The following NFIX variants were observed in gnomAD, a reference collection of about 807,000 sequenced individuals.
NFIX encodes nuclear factor 1 X-type.
In NFIX, 2 loss-of-function variants were observed where a neutral mutation model predicts 53.3. That is an observed-to-expected ratio of 0.04 (90% CI 0.02 to 0.12). NFIX has a LOEUF of 0.12. Ranked by LOEUF, NFIX falls within the 10% of genes least tolerant of loss-of-function variation. The pLI is 1.00. For missense variants in NFIX, 310 were observed against 674.5 expected (o/e 0.46, Z 5.99); for synonymous variants, 244 against 289.0 (o/e 0.84, Z 1.58).
At position 13,022,920 on chromosome 19, in the gene NFIX, A is replaced by C. The variant is rs2013024395; in HGVS notation, c.28-2101A>C. Among the ~76,000 whole-genome samples the C allele has an allele frequency of 1.3e-5, 2 of 151,806 alleles. No individual in the cohort carries two copies. Among genetic ancestry groups the C allele is most frequent in the Non-Finnish European group, 2.9e-5 (2 of 67,942 alleles). ...GGACTTTGCTTGTTCATTAGACGTGAACTTGTCGATTGGGCAAATTGTTTT... is the reference window on the plus strand; with the variant it reads ...GGACTTTGCTTGTTCATTAGACGTGCACTTGTCGATTGGGCAAATTGTTTT... On this transcript the variant is annotated intron_variant, in intron 1 of 10. Coordinates refer to ENST00000592199, the MANE Select transcript of NFIX (RefSeq NM_001365902.3). This position sits in a 1 kb window ranked among gnomAD's most constrained non-coding sequence, Gnocchi z 4.5.
At chr19:13,016,654 GT>G (rs200460597) in intron 1 of NFIX, among the ~76,000 whole-genome samples, 7,846 of 131,868 alleles carry the variant, frequency 0.059, 276 homozygotes, top group African/African-American at 0.11. Context: ...TTGGGTTTGA[GT>G]TTTTTTTTTT....
intron 2 of NFIX, among the ~76,000 whole-genome samples, chr19:13,044,463 T>C (rs1363321504): frequency 1.3e-5 from 2 of 152,132 alleles, no homozygotes; most frequent in African/African-American, 4.8e-5. Context: ...GGTGTGTGTG[T>C]ATAAATGTCA....
intron 2 of NFIX, among the ~76,000 whole-genome samples, chr19:13,056,463 C>G (rs1490182100): frequency 1.3e-5 from 2 of 152,090 alleles, no homozygotes; most frequent in African/African-American, 4.8e-5. Context: ...ATAGGGTGGG[C>G]CCACCCACCC....
intron 2 of NFIX, among the ~76,000 whole-genome samples, chr19:13,034,542 A>G (rs532803631): frequency 6.6e-6 from 1 of 152,326 alleles, no homozygotes; most frequent in South Asian, 2.1e-4. Context: ...TCTAGGTGTG[A>G]GGCCAGGCAG....
chr19:13,018,603 A>G (rs1262860989), intron 1 of NFIX, among the ~76,000 whole-genome samples: 6 of 152,242 alleles, frequency 3.9e-5, no homozygotes, highest in African/African-American at 9.6e-5. Flanking sequence ...CTTTTGGATG[A>G]TTTTGTTCTG....
At position 13,066,983 on chromosome 19, in the gene NFIX, C is replaced by T. The variant is rs1391733009; in HGVS notation, c.560-6064C>T. Reference sequence around the variant, plus strand: ...TCCCCTTAGCCCCCCATCTATCCACCGTTCCCCTCCTCAGGGTGTCTCAGA... The same window carrying T: ...TCCCCTTAGCCCCCCATCTATCCACTGTTCCCCTCCTCAGGGTGTCTCAGA... On this transcript the variant is annotated intron_variant, in intron 2 of 10. Coordinates refer to ENST00000592199, the MANE Select transcript of NFIX (RefSeq NM_001365902.3). The surrounding 1 kb of genome is among the most constrained non-coding windows in gnomAD (Gnocchi z 4.2). Among the ~76,000 whole-genome samples the T allele has an allele frequency of 2.5e-4, 38 of 152,186 alleles. No homozygotes were observed. The highest frequency in any genetic ancestry group is 2.5e-3 in the Admixed American group (38 of 15,282).
chr19:13,037,320 A>AG lies in NFIX; in HGVS notation c.559+11771dup, dbSNP rs2014272188. On this transcript the variant is annotated intron_variant, in intron 2 of 10. Transcript: ENST00000592199. The surrounding 1 kb of genome is among the most constrained non-coding windows in gnomAD (Gnocchi z 4.2). ...TTCTGCACCCGGTCATATCCTCCCC[A>AG]GGGCATGACCACTTCCCCTACCAGA... 6.6e-6 allele frequency among the ~76,000 whole-genome samples: 1 copy of AG among 152,178 alleles called. No individual in the cohort carries two copies. The highest frequency in any genetic ancestry group is 1.5e-5 in the Non-Finnish European group (1 of 68,030).
intron 8 of NFIX, among the ~76,000 whole-genome samples, chr19:13,085,764 TA>T (rs982390891): frequency 6.6e-6 from 1 of 151,950 alleles, no homozygotes; most frequent in Non-Finnish European, 1.5e-5. Flanking sequence ...GTCATCGTGG[TA>T]AAAAAACAGT....
In NFIX at chr19:13,068,535, A is replaced by C. The variant is rs1038665582; in HGVS notation, c.560-4512A>C. 1.3e-5 allele frequency among the ~76,000 whole-genome samples: 2 copies of C among 152,232 alleles called. No individual in the cohort carries two copies. Among genetic ancestry groups the C allele is most frequent in the African/African-American group, 4.8e-5 (2 of 41,464 alleles). ...AGGAAGAGAGGGGCCCAGAGTGGCCACTTGGCTCAGCCTGGCTCTGGTCTG... is the reference window on the plus strand; with the variant it reads ...AGGAAGAGAGGGGCCCAGAGTGGCCCCTTGGCTCAGCCTGGCTCTGGTCTG... On this transcript the variant is annotated intron_variant, in intron 2 of 10. Transcript: ENST00000592199. The surrounding 1 kb of genome is among the most constrained non-coding windows in gnomAD (Gnocchi z 4.2).
chr19:13,004,194 C>T (rs893269478), intron 1 of NFIX, among the ~76,000 whole-genome samples: 2 of 152,108 alleles, frequency 1.3e-5, no homozygotes, highest in African/African-American at 4.8e-5. Flanking sequence ...AATGATCCAG[C>T]CCCAAATGTC....
intron 2 of NFIX, among the ~76,000 whole-genome samples, chr19:13,041,229 A>G (rs1037624811): frequency 1.1e-4 from 16 of 152,150 alleles, no homozygotes; most frequent in Non-Finnish European, 2.1e-4. Flanking sequence ...TCAGCTGATT[A>G]TGTTGTTCTA....
rs146574448 is a variant in NFIX at position 13,055,874 on chromosome 19, C to T, written c.560-17173C>T. ...GAGGAGTCCTCATCTCACCTCGCGC[C>T]TCCCTGGCCAGGGACTTTGGCCAGC... On this transcript the variant is annotated intron_variant, in intron 2 of 10. Coordinates refer to ENST00000592199, the MANE Select transcript of NFIX (RefSeq NM_001365902.3). Among the ~76,000 whole-genome samples the T allele has an allele frequency of 4.2e-3, 639 of 152,318 alleles. 3 individuals are homozygous for T. Among genetic ancestry groups the T allele is most frequent in the Middle Eastern group, 0.01 (3 of 294 alleles).
At position 13,014,999 on chromosome 19, in the gene NFIX, A is replaced by C. The variant is rs558096535; in HGVS notation, c.28-10022A>C. On this transcript the variant is annotated intron_variant, in intron 1 of 10. Transcript: ENST00000592199. This position sits in a 1 kb window ranked among gnomAD's most constrained non-coding sequence, Gnocchi z 4.4. Reference sequence around the variant, plus strand: ...CAGCAATGAGAAAGCAATGGGAAAAATGGGCAATAAATGGGCATAGGGGTT... The same window carrying C: ...CAGCAATGAGAAAGCAATGGGAAAACTGGGCAATAAATGGGCATAGGGGTT... 6.6e-6 allele frequency among the ~76,000 whole-genome samples: 1 copy of C among 152,302 alleles called. No homozygotes were observed. Among genetic ancestry groups the C allele is most frequent in the African/African-American group, 2.4e-5 (1 of 41,564 alleles).
At chr19:13,019,731 G>GTTT (rs60597655) in intron 1 of NFIX, among the ~76,000 whole-genome samples, 1 of 129,956 alleles carries the variant, frequency 7.7e-6, no homozygotes, top group African/African-American at 3.1e-5. Flanking sequence ...TTGTTTGTTT[G>GTTT]TTTTTTTTTT....
At chr19:13,086,020 ATCTGGCTGG>A (rs1299521436) in intron 8 of NFIX, among the ~76,000 whole-genome samples, 2 of 152,166 alleles carry the variant, frequency 1.3e-5, no homozygotes, top group African/African-American at 2.4e-5. Context: ...GATTCAGGGG[ATCTGGCTGG>A]TCCCCACAGA....
chr19:13,015,377 C>T (rs1004762494), intron 1 of NFIX, among the ~76,000 whole-genome samples: 15 of 152,126 alleles, frequency 9.9e-5, no homozygotes, highest in African/African-American at 3.6e-4. Context: ...AGGGTTCTGC[C>T]TCCCTTCCTG....
At chr19:13,024,713 C>CGT in intron 1 of NFIX, 1 of 1,535,874 alleles carries the variant, frequency 6.5e-7, no homozygotes, top group Middle Eastern at 1.7e-4. Context: ...TGTCTGTGCG[C>CGT]GTGTGTGTGA....
At position 13,028,217 on chromosome 19, in the gene NFIX, C is replaced by G. The variant is rs919146837; in HGVS notation, c.559+2665C>G. Among the ~76,000 whole-genome samples, 1 of 152,272 alleles carries G rather than the reference C, an allele frequency of 6.6e-6. No individual in the cohort carries two copies. Among genetic ancestry groups the G allele is most frequent in the Non-Finnish European group, 1.5e-5 (1 of 68,044 alleles). Reference sequence around the variant, plus strand: ...CATGCCCATGCCTGCCAGGCACACTCAGCAGAGCTGCCACTTGCTCCTTCC... The same window carrying G: ...CATGCCCATGCCTGCCAGGCACACTGAGCAGAGCTGCCACTTGCTCCTTCC... On this transcript the variant is annotated intron_variant, in intron 2 of 10. Transcript: ENST00000592199. This position sits in a 1 kb window ranked among gnomAD's most constrained non-coding sequence, Gnocchi z 4.2.
intron 1 of NFIX, among the ~76,000 whole-genome samples, chr19:13,003,759 C>A (rs765263927): frequency 2.0e-5 from 3 of 152,176 alleles, no homozygotes; most frequent in Non-Finnish European, 4.4e-5. Context: ...CCATCTCAGC[C>A]TCCTGAGTAG....
Sources: allele counts gnomAD v4.1 joint callset (sites outside exome capture counted in the v4.1 genomes callset), GRCh38; gene constraint gnomAD v4.1.1; non-coding constraint Gnocchi (gnomAD v3.1); transcripts MANE v1.5; gene names NCBI Gene and HGNC (gene_info 2026-07-23, HGNC 2026-07-21).